ZFAT: variants seen among roughly 807,000 people sequenced by gnomAD.
The protein encoded by ZFAT is zinc finger protein ZFAT.
ZFAT carries 64 observed loss-of-function variants against 117.7 expected under a neutral mutation model. The observed-to-expected ratio is 0.54, with a 90% CI of 0.44 to 0.67. The LOEUF (loss-of-function observed/expected upper bound fraction) is 0.67. Ranked by LOEUF, ZFAT falls within the 30% of genes least tolerant of loss-of-function variation. ZFAT has a pLI of 0.00. For synonymous variants in ZFAT, 679 were observed against 615.0 expected (o/e 1.10, Z -1.54); for missense variants, 1,433 against 1,584.5 (o/e 0.90, Z 1.62).
At chr8:134,817,390 T>C in the ZFAT span, among the ~76,000 whole-genome samples, 1 of 111,652 alleles carries the variant, frequency 9.0e-6, no homozygotes, top group African/African-American at 3.3e-5. Flanking sequence ...TGTCTCTCTC[T>C]CTCTACACAC....
At chr8:134,595,066 C>G (rs140152361) in intron 7 of ZFAT, among the ~76,000 whole-genome samples, 1 of 152,276 alleles carries the variant, frequency 6.6e-6, no homozygotes, top group Non-Finnish European at 1.5e-5. Context: ...CCATGAGACT[C>G]TGACTGAGGA....
the ZFAT span, among the ~76,000 whole-genome samples, chr8:134,735,910 A>G: frequency 1.8e-4 from 27 of 152,324 alleles, no homozygotes; most frequent in Middle Eastern, 6.8e-3. Flanking sequence ...AAAAAGGTCT[A>G]ACATTATTGA....
intron 11 of ZFAT, among the ~76,000 whole-genome samples, chr8:134,560,036 A>C (rs910486674): frequency 2.0e-5 from 3 of 152,228 alleles, no homozygotes; most frequent in Admixed American, 2.0e-4. Flanking sequence ...GACATCTAAC[A>C]AATATGCTGA....
chr8:134,616,178 C>G lies in ZFAT; in HGVS notation c.449-5523G>C, dbSNP rs1828721498. Among the ~76,000 whole-genome samples, 4 of 152,204 alleles carry G rather than the reference C, an allele frequency of 2.6e-5. No homozygotes were observed. In the South Asian group the frequency reaches 8.3e-4, roughly 32 times the overall value. On this transcript the variant is annotated intron_variant, in intron 3 of 15. Coordinates refer to ENST00000377838, the MANE Select transcript of ZFAT (RefSeq NM_020863.4). ...GCCATGCTCCTCACAGCCCTGAACC[C>G]AGCTCTCTCAACAGCCACATGACTG...
intron 1 of ZFAT, among the ~76,000 whole-genome samples, chr8:134,670,919 A>T (rs1177633139): frequency 6.6e-6 from 1 of 152,186 alleles, no homozygotes; most frequent in African/African-American, 2.4e-5. Context: ...GATAAAGGGG[A>T]TATCACCACC....
the ZFAT span, among the ~76,000 whole-genome samples, chr8:134,732,617 G>T: frequency 6.6e-6 from 1 of 152,200 alleles, no homozygotes; most frequent in South Asian, 2.1e-4. Context: ...TTCTACTTTT[G>T]AATGTCTTGT....
intron 1 of ZFAT, among the ~76,000 whole-genome samples, chr8:134,691,387 G>A (rs889150359): frequency 6.6e-6 from 1 of 152,292 alleles, no homozygotes; most frequent in East Asian, 1.9e-4. Context: ...CCGCTGCAGC[G>A]GGCGCCTCCA....
At chr8:134,623,809 C>T (rs1328378597) in intron 3 of ZFAT, among the ~76,000 whole-genome samples, 1 of 152,042 alleles carries the variant, frequency 6.6e-6, no homozygotes, top group East Asian at 1.9e-4. Context: ...CCCCACTCTT[C>T]AGTGCTCGAC....
the ZFAT span, among the ~76,000 whole-genome samples, chr8:134,759,628 T>A: frequency 2.0e-4 from 31 of 151,492 alleles, no homozygotes; most frequent in African/African-American, 6.3e-4. Flanking sequence ...AGAAACAAAC[T>A]GAAGAGTTTC....
intron 11 of ZFAT, among the ~76,000 whole-genome samples, chr8:134,545,887 A>G (rs1322433708): frequency 1.3e-5 from 2 of 152,198 alleles, no homozygotes; most frequent in East Asian, 3.8e-4. Context: ...CATACATTCT[A>G]TTTCACAATA....
At chr8:134,784,711 C>T in the ZFAT span, 1 of 152,134 alleles carries the variant, frequency 6.6e-6, no homozygotes, top group East Asian at 1.9e-4. Flanking sequence ...ACTGTAACCT[C>T]TGTGTGAATA....
At chr8:134,620,200 T>C (rs1454183326) in intron 3 of ZFAT, among the ~76,000 whole-genome samples, 5 of 152,228 alleles carry the variant, frequency 3.3e-5, no homozygotes, top group African/African-American at 4.8e-5. Flanking sequence ...ACACTGCTCC[T>C]TTCCTTCTCA....
the ZFAT span, among the ~76,000 whole-genome samples, chr8:134,817,770 A>G: frequency 6.4e-4 from 98 of 152,348 alleles, no homozygotes; most frequent in Admixed American, 2.8e-3. Context: ...AAATTGGAAG[A>G]CTACATGATT....
intron 5 of ZFAT, among the ~76,000 whole-genome samples, chr8:134,604,909 A>G (rs1033031074): frequency 6.6e-6 from 1 of 152,270 alleles, no homozygotes; most frequent in Non-Finnish European, 1.5e-5. Flanking sequence ...GGCACAAAGA[A>G]TGCCAAAGAA....
At chr8:134,730,088 G>A in the ZFAT span, among the ~76,000 whole-genome samples, 114,277 of 152,016 alleles carry the variant, frequency 0.75, 44,148 homozygotes, top group Non-Finnish European at 0.84. Context: ...GTTGTTACGC[G>A]CTGCTCCCAC....
At chr8:134,765,406 G>A in the ZFAT span, 3 of 152,124 alleles carry the variant, frequency 2.0e-5, no homozygotes, top group Non-Finnish European at 2.9e-5. Flanking sequence ...GCCATGGTGG[G>A]AATAATTACA....
At chr8:134,500,598 C>T (rs1323304263) in intron 15 of ZFAT, among the ~76,000 whole-genome samples, 1 of 152,096 alleles carries the variant, frequency 6.6e-6, no homozygotes, top group South Asian at 2.1e-4. Flanking sequence ...CAGCAAGTAA[C>T]AAAAGAGCTT....
intron 1 of ZFAT, among the ~76,000 whole-genome samples, chr8:134,704,708 T>C (rs1412786754): frequency 2.0e-5 from 3 of 152,106 alleles, no homozygotes; most frequent in Non-Finnish European, 4.4e-5. Context: ...AGTGAACTGA[T>C]GCATAATTTT....
chr8:134,751,013 G>C, the ZFAT span, among the ~76,000 whole-genome samples: 1 of 152,244 alleles, frequency 6.6e-6, no homozygotes, highest in East Asian at 1.9e-4. Flanking sequence ...TCTTTAGCAG[G>C]TAAATGTAGC....
Sources: gnomAD v4.1 joint callset for allele counts (sites outside exome capture counted in the v4.1 genomes callset) on GRCh38, gnomAD v4.1.1 for gene constraint, MANE v1.5 for transcripts, NCBI Gene and HGNC (gene_info 2026-07-23, HGNC 2026-07-21) for gene names.